Variants in MAMDC2 observed in about 807,000 individuals in gnomAD.
MAMDC2 encodes MAM domain-containing protein 2.
MAMDC2 carries 57 observed loss-of-function variants against 89.8 expected under a neutral mutation model. The ratio of observed to expected loss-of-function variants is 0.63; its 90% confidence interval spans 0.51 to 0.79. The LOEUF (loss-of-function observed/expected upper bound fraction) is 0.79, where lower values mean the gene tolerates loss of function less well. Among genes scored for constraint, MAMDC2 ranks in the 30% least tolerant of loss-of-function variants. The pLI, the probability that MAMDC2 is intolerant of heterozygous loss-of-function variation, is 0.00. For missense variants in MAMDC2, 800 were observed against 820.6 expected, an observed-to-expected ratio of 0.97 and a Z score of 0.31; for synonymous variants, 313 against 293.4, an observed-to-expected ratio of 1.07 and a Z score of -0.68.
intron 11 of MAMDC2, among the ~76,000 whole-genome samples, chr9:70,202,320 T>C (rs906775732): frequency 2.0e-5 from 3 of 152,114 alleles, no homozygotes; most frequent in African/African-American, 7.2e-5. Context: ...TACCCAGTAG[T>C]CATTCAGGAG....
Position 70,221,207 on chromosome 9 carries a change from A to C in MAMDC2, c.1911+2611A>C, listed in dbSNP as rs562557687. Among the ~76,000 whole-genome samples the C allele has an allele frequency of 1.2e-3, 177 of 150,652 alleles. 1 individual carries two copies. Among genetic ancestry groups the C allele is most frequent in the Non-Finnish European group, 1.8e-3 (121 of 67,708 alleles). ...GGGAGGACGTAGAAAATGCAAGCCAAGGCCGGGCACAGTGGCTCACATCTG... is the reference window on the plus strand; with the variant it reads ...GGGAGGACGTAGAAAATGCAAGCCACGGCCGGGCACAGTGGCTCACATCTG... On this transcript the variant is annotated intron_variant, in intron 12 of 13. Coordinates refer to ENST00000377182, the MANE Select transcript of MAMDC2 (RefSeq NM_153267.5).
Position 70,174,725 on chromosome 9 carries a change from AT to A in MAMDC2, c.1651+4109del, listed in dbSNP as rs34725592. Among the ~76,000 whole-genome samples the A allele has an allele frequency of 2.8e-4, 40 of 141,826 alleles. 1 individual carries two copies. Among genetic ancestry groups the A allele is most frequent in the African/African-American group, 7.6e-4 (29 of 38,200 alleles). The allele number at this position is 141,826 out of a possible 152,430, so 93.0% of individuals were successfully genotyped here. On this transcript the variant is annotated intron_variant, in intron 11 of 13. Coordinates refer to ENST00000377182, the MANE Select transcript of MAMDC2 (RefSeq NM_153267.5). ...TTGTAATTAATTAGAAGGGCTTTGGATTTTTTTTTTTTTTTCCGAGATAGAG... is the reference window on the plus strand; with the variant it reads ...TTGTAATTAATTAGAAGGGCTTTGGATTTTTTTTTTTTTTCCGAGATAGAG...
chr9:70,044,189 A>C lies in MAMDC2; in HGVS notation c.-9A>C. 6.2e-7 allele frequency: 1 copy of C among 1,613,664 alleles called. No individual in the cohort carries two copies. Among genetic ancestry groups the C allele is most frequent in the Non-Finnish European group, 8.5e-7 (1 of 1,179,890 alleles). On this transcript the variant is annotated 5_prime_UTR_variant, in exon 1 of 14. Coordinates refer to ENST00000377182, the MANE Select transcript of MAMDC2 (RefSeq NM_153267.5). ...ACCCCTTCCTAGTCATCCTCCCTGA[A>C]ACGCGACCATGCTGTTAAGGGGCGT...
Position 70,170,615 on chromosome 9 carries a change from T to A in MAMDC2, c.1635T>A (p.Asp545Glu), listed in dbSNP as rs201413618. Residue 545 changes from aspartate (D) to glutamate (E), a missense_variant, in exon 11 of 14, where the codon GAT (aspartate) becomes GAA (glutamate). Physicochemically the swap from Asp to Glu is conservative, Grantham distance 45. Coordinates refer to ENST00000377182, the MANE Select transcript of MAMDC2 (RefSeq NM_153267.5). Reference sequence around the variant, plus strand: ...CTTCCTACACAGGACCAAAGGGAGATCACACTACTGGGGTAGGTGAGTTAT... The same window carrying A: ...CTTCCTACACAGGACCAAAGGGAGAACACACTACTGGGGTAGGTGAGTTAT... ...TPTSYTGPKG[D>E]HTTGVGYYMY... is the part of the protein sequence containing the mutation. 368 of 1,606,896 alleles carry A rather than the reference T, an allele frequency of 2.3e-4. 1 individual carries two copies. The highest frequency in any genetic ancestry group is 3.0e-4 in the Non-Finnish European group (349 of 1,176,890).
Position 70,177,401 on chromosome 9 carries a change from C to T in MAMDC2, c.1651+6770C>T, listed in dbSNP as rs73448656. Among the ~76,000 whole-genome samples, 631 of 152,228 alleles carry T rather than the reference C, an allele frequency of 4.1e-3. 4 individuals carry two copies. Among genetic ancestry groups the T allele is most frequent in the African/African-American group, 0.013 (546 of 41,536 alleles). On this transcript the variant is annotated intron_variant, in intron 11 of 13. Transcript: ENST00000377182. ...AGAGTGGAACAGTGGAAGATTTCAT[C>T]ATGCTACTCACAACAGAACATAGTT...
intron 2 of MAMDC2, among the ~76,000 whole-genome samples, chr9:70,070,295 C>T (rs1157416861): frequency 6.6e-6 from 1 of 152,190 alleles, no homozygotes; most frequent in Non-Finnish European, 1.5e-5. Context: ...AAGGCTAACT[C>T]CATGTGGCCT....
At chr9:70,045,363 G>A (rs775812187) in intron 2 of MAMDC2, among the ~76,000 whole-genome samples, 2 of 152,186 alleles carry the variant, frequency 1.3e-5, no homozygotes, top group Non-Finnish European at 2.9e-5. Flanking sequence ...CTTCTGAAGT[G>A]TCATCTTGCC....
intron 9 of MAMDC2, among the ~76,000 whole-genome samples, chr9:70,150,310 G>A (rs1038340001): frequency 6.6e-6 from 1 of 152,170 alleles, no homozygotes; most frequent in South Asian, 2.1e-4. Context: ...CAGTCTGTCT[G>A]GAAGCTTCAT....
intron 9 of MAMDC2, among the ~76,000 whole-genome samples, chr9:70,145,559 C>T (rs192135858): frequency 3.3e-4 from 39 of 119,564 alleles, no homozygotes; most frequent in Middle Eastern, 3.8e-3. Flanking sequence ...AATACACACA[C>T]ATGCACGCAT....
intron 5 of MAMDC2, among the ~76,000 whole-genome samples, chr9:70,119,039 G>T (rs2030159442): frequency 6.6e-6 from 1 of 152,114 alleles, no homozygotes; most frequent in African/African-American, 2.4e-5. Flanking sequence ...TACTGGAGGG[G>T]ATGTGATTTT....
chr9:70,124,000 C>A (rs970666781), intron 5 of MAMDC2, among the ~76,000 whole-genome samples: 1 of 152,164 alleles, frequency 6.6e-6, no homozygotes, highest in Non-Finnish European at 1.5e-5. Context: ...CCTAGCAAAC[C>A]ACACAGGAAG....
At chr9:70,215,866 A>G (rs1587579504) in intron 11 of MAMDC2, among the ~76,000 whole-genome samples, 1 of 152,326 alleles carries the variant, frequency 6.6e-6, no homozygotes, top group Non-Finnish European at 1.5e-5. Context: ...TATTAAGACC[A>G]ACGATGCTTT....
intron 2 of MAMDC2, among the ~76,000 whole-genome samples, chr9:70,095,312 G>A (rs1319192049): frequency 6.6e-6 from 1 of 152,200 alleles, no homozygotes; most frequent in Non-Finnish European, 1.5e-5. Context: ...GCTGTAGTGT[G>A]GAGATTAGAT....
Position 70,044,208 on chromosome 9 carries a change from G to C in MAMDC2, c.11G>C (p.Arg4Thr), listed in dbSNP as rs747140209. The stretch of plus-strand genomic sequence containing the variant: ...CCCTGAAACGCGACCATGCTGTTAA[G>C]GGGCGTCCTCCTGGCGTTGCAAGGT... MLL[R>T]GVLLALQALQ... is the part of the protein sequence containing the mutation. Residue 4 changes from arginine (R) to threonine (T), a missense_variant, in exon 1 of 14, where the codon AGG becomes ACG. Arg to Thr is a moderately conservative substitution (Grantham distance 71). Transcript: ENST00000377182. 6.2e-7 allele frequency: 1 copy of C among 1,613,624 alleles called. No individual in the cohort carries two copies. The highest frequency in any genetic ancestry group is 1.1e-5 in the South Asian group (1 of 91,084).
intron 2 of MAMDC2, among the ~76,000 whole-genome samples, chr9:70,050,533 A>C (rs1419534680): frequency 6.6e-6 from 1 of 152,242 alleles, no homozygotes; most frequent in African/African-American, 2.4e-5. Context: ...AAATTGAGAT[A>C]GTAAAAGTAC....
intron 11 of MAMDC2, among the ~76,000 whole-genome samples, chr9:70,186,993 A>G (rs1424215407): frequency 1.3e-5 from 2 of 152,054 alleles, no homozygotes; most frequent in Non-Finnish European, 2.9e-5. Context: ...CACCTCCAAC[A>G]TTGGGGATCA....
At position 70,226,118 on chromosome 9, in the gene MAMDC2, C is replaced by A; in HGVS notation, c.*86C>A. ...ACAAAGCAAATGAATACTGGACAGT[C>A]TTAACAATTTTATAAGTTATAAAAT... On this transcript the variant is annotated 3_prime_UTR_variant, in exon 14 of 14. Transcript: ENST00000377182. 2.6e-6 allele frequency: 2 copies of A among 760,582 alleles called. No individual in the cohort carries two copies. The highest frequency in any genetic ancestry group is 4.2e-6 in the Non-Finnish European group (2 of 479,420). The allele number at this position is 760,582 out of a possible 1,614,324, so 47.1% of individuals were successfully genotyped here. A position where few individuals can be genotyped will look rare whatever the true frequency, so the allele number is the denominator to read the frequency against.
At chr9:70,108,712 G>A (rs1828414172) in intron 3 of MAMDC2, among the ~76,000 whole-genome samples, 1 of 152,128 alleles carries the variant, frequency 6.6e-6, no homozygotes, top group African/African-American at 2.4e-5. Context: ...TGAGCCTTCT[G>A]TAAAAATCTA....
intron 11 of MAMDC2, among the ~76,000 whole-genome samples, chr9:70,175,524 T>C (rs534628919): frequency 2.7e-4 from 41 of 151,940 alleles, no homozygotes; most frequent in African/African-American, 9.7e-4. Context: ...TATTCCTTGT[T>C]AATCTCTTAC....
Sources: gnomAD v4.1 joint callset for allele counts (sites outside exome capture counted in the v4.1 genomes callset) on GRCh38, gnomAD v4.1.1 for gene constraint, MANE v1.5 for transcripts, NCBI Gene and HGNC (gene_info 2026-07-23, HGNC 2026-07-21) for gene names.